The following ZBTB7C variants were observed in gnomAD, a reference collection of about 807,000 sequenced individuals.
The protein encoded by ZBTB7C is zinc finger and BTB domain containing 7C.
Under a neutral mutation model 25.7 loss-of-function variants are expected in ZBTB7C, and 8 were observed. That is an observed-to-expected ratio of 0.31 (90% CI 0.18 to 0.56). The LOEUF is 0.56. Ranked by LOEUF, ZBTB7C falls within the 20% of genes least tolerant of loss-of-function variation. The pLI is 0.91. For missense variants in ZBTB7C, 824 were observed against 855.2 expected (o/e 0.96, Z 0.46); for synonymous variants, 394 against 369.0 (o/e 1.07, Z -0.78).
At chr18:48,109,284 G>T (rs1295547412) in intron 3 of ZBTB7C, among the ~76,000 whole-genome samples, 1 of 152,152 alleles carries the variant, frequency 6.6e-6, no homozygotes, top group East Asian at 1.9e-4. Flanking sequence ...CCTGCCTTCG[G>T]GTTCCCAATT....
At position 48,029,699 on chromosome 18, in the gene ZBTB7C, A is replaced by C; in HGVS notation, c.1421T>G (p.Met474Arg). ...CTTGCGGCCGCGTCGGGGCCGTGCC[A>C]TGCGGCAGCTCTGGCGCTTGATGTG... ...HRHIKRQSCR[M>R]ARPRRGRKPA... The change falls in exon 5 of 5, where the codon ATG becomes AGG. Residue 474 changes from methionine to arginine, a missense_variant. Physicochemically the swap from Met to Arg is moderately conservative, Grantham distance 91 (BLOSUM62 -1). This residue lies in a region of ZBTB7C where 342 missense variants were observed against 307.0 expected (regional missense o/e 1.11). Transcript: ENST00000590800. 1 of 1,600,976 alleles carries C rather than the reference A, an allele frequency of 6.2e-7. No homozygotes were observed. Among genetic ancestry groups the C allele is most frequent in the Middle Eastern group, 1.7e-4 (1 of 6,030 alleles).
At chr18:48,067,617 A>T (rs1171884156) in intron 3 of ZBTB7C, among the ~76,000 whole-genome samples, 1 of 152,184 alleles carries the variant, frequency 6.6e-6, no homozygotes, top group African/African-American at 2.4e-5. Flanking sequence ...GTCAAGCTGC[A>T]ACACCAACTC....
chr18:48,052,673 C>G (rs1409761935), intron 3 of ZBTB7C, among the ~76,000 whole-genome samples: 2 of 152,296 alleles, frequency 1.3e-5, no homozygotes, highest in South Asian at 2.1e-4. Context: ...AGTCAGCAGA[C>G]AGCAGGCCAA....
intron 2 of ZBTB7C, among the ~76,000 whole-genome samples, chr18:48,337,923 A>T (rs2046493035): frequency 6.6e-6 from 1 of 152,198 alleles, no homozygotes. Flanking sequence ...CCATAAAGGC[A>T]TCAGGCCTTC....
chr18:48,374,900 G>T (rs73957647), intron 1 of ZBTB7C, among the ~76,000 whole-genome samples: 9,120 of 152,292 alleles, frequency 0.06, 912 homozygotes, highest in African/African-American at 0.21. Context: ...AGCCGGCAGG[G>T]TGCTGGCCTG....
At chr18:48,127,003 C>T (rs894959691) in intron 3 of ZBTB7C, among the ~76,000 whole-genome samples, 2 of 152,144 alleles carry the variant, frequency 1.3e-5, no homozygotes, top group East Asian at 1.9e-4. Context: ...AAGGAAGATG[C>T]GCGTGGCTCA....
intron 2 of ZBTB7C, among the ~76,000 whole-genome samples, chr18:48,227,948 T>A (rs146262295): frequency 6.6e-6 from 1 of 152,198 alleles, no homozygotes; most frequent in East Asian, 1.9e-4. Flanking sequence ...TCATTCCATA[T>A]GAAAAGTCCA....
At chr18:48,214,113 A>AT (rs1020181775) in intron 2 of ZBTB7C, among the ~76,000 whole-genome samples, 1 of 152,202 alleles carries the variant, frequency 6.6e-6, no homozygotes, top group African/African-American at 2.4e-5. Flanking sequence ...CTCCAAGTCA[A>AT]TTTTTTAAAA....
At chr18:48,360,264 A>G (rs16949123) in intron 1 of ZBTB7C, among the ~76,000 whole-genome samples, 2,786 of 152,342 alleles carry the variant, frequency 0.018, 79 homozygotes, top group African/African-American at 0.064. Flanking sequence ...ATAGCATGGA[A>G]GAGAAAATGC....
chr18:48,372,602 A>C (rs2047413142), intron 1 of ZBTB7C, among the ~76,000 whole-genome samples: 1 of 152,164 alleles, frequency 6.6e-6, no homozygotes, highest in African/African-American at 2.4e-5. Context: ...GTTAGCAATG[A>C]TTGACTAACA....
intron 1 of ZBTB7C, among the ~76,000 whole-genome samples, chr18:48,356,705 C>A (rs1237865635): frequency 6.6e-6 from 1 of 152,186 alleles, no homozygotes; most frequent in Non-Finnish European, 1.5e-5. Flanking sequence ...CCTGGGGATC[C>A]AGATGTTGAT....
intron 3 of ZBTB7C, among the ~76,000 whole-genome samples, chr18:48,131,799 G>A (rs557670893): frequency 6.6e-6 from 1 of 152,324 alleles, no homozygotes; most frequent in African/African-American, 2.4e-5. Flanking sequence ...TGGCTGAGCT[G>A]ATCCCAGAAT....
At chr18:48,058,633 G>A (rs1264742271) in intron 3 of ZBTB7C, among the ~76,000 whole-genome samples, 2 of 152,160 alleles carry the variant, frequency 1.3e-5, no homozygotes, top group African/African-American at 4.8e-5. Flanking sequence ...GCCAGCCTCC[G>A]GAATGGCTCC....
intron 2 of ZBTB7C, among the ~76,000 whole-genome samples, chr18:48,270,460 C>T (rs886144850): frequency 9.3e-5 from 14 of 150,736 alleles, no homozygotes; most frequent in Admixed American, 3.9e-4. Context: ...CTTTGGGAGG[C>T]CCAGGTGGGC....
intron 2 of ZBTB7C, among the ~76,000 whole-genome samples, chr18:48,270,613 C>G (rs960774782): frequency 6.6e-6 from 1 of 150,766 alleles, no homozygotes; most frequent in Non-Finnish European, 1.5e-5. Flanking sequence ...TCATTTGAAC[C>G]CAGGAGGCAG....
chr18:48,328,411 C>G (rs1050164853), intron 2 of ZBTB7C, among the ~76,000 whole-genome samples: 2 of 152,096 alleles, frequency 1.3e-5, no homozygotes, highest in Non-Finnish European at 2.9e-5. Context: ...CCTTCACTCT[C>G]TCATAGAAGT....
At chr18:48,183,208 A>G (rs2041971903) in intron 3 of ZBTB7C, among the ~76,000 whole-genome samples, 1 of 152,144 alleles carries the variant, frequency 6.6e-6, no homozygotes, top group Non-Finnish European at 1.5e-5. Context: ...GAATAACCCC[A>G]ACTGCTGACT....
chr18:48,128,206 G>A (rs1219106400), intron 3 of ZBTB7C, among the ~76,000 whole-genome samples: 1 of 152,188 alleles, frequency 6.6e-6, no homozygotes, highest in Non-Finnish European at 1.5e-5. Flanking sequence ...TCCCCGCAAG[G>A]TGCCCTCACT....
intron 2 of ZBTB7C, among the ~76,000 whole-genome samples, chr18:48,291,799 GA>G (rs2045237168): frequency 6.6e-6 from 1 of 152,172 alleles, no homozygotes; most frequent in African/African-American, 2.4e-5. Flanking sequence ...CAGTTAGGGG[GA>G]TTGGCCAAGC....
Sources: gnomAD v4.1 joint callset for allele counts (sites outside exome capture counted in the v4.1 genomes callset) on GRCh38, gnomAD v4.1.1 for gene constraint, gnomAD v4.1.1 regional missense constraint, MANE v1.5 for transcripts, NCBI Gene and HGNC (gene_info 2026-07-23, HGNC 2026-07-21) for gene names.